Variants in ABCA10 observed in about 807,000 individuals in gnomAD.
ABCA10 encodes ATP binding cassette subfamily A member 10.
In ABCA10, 169 loss-of-function variants were observed where a neutral mutation model predicts 187.5. The ratio of observed to expected loss-of-function variants is 0.90; its 90% CI spans 0.80 to 1.02. ABCA10 has a LOEUF of 1.02. Ranked by LOEUF, ABCA10 falls within the 50% of genes least tolerant of loss-of-function variation. The pLI is 0.00. For missense variants in ABCA10, 1,727 were observed against 1,812.4 expected (o/e 0.95, Z 0.86); for synonymous variants, 574 against 601.8 (o/e 0.95, Z 0.68).
At chr17:69,202,212 A>T (rs1389231604) in intron 9 of ABCA10, among the ~76,000 whole-genome samples, 1 of 152,240 alleles carries the variant, frequency 6.6e-6, no homozygotes, top group Admixed American at 6.5e-5. Flanking sequence ...AGCTGTAGGG[A>T]ATCATATCAA....
Position 69,153,410 on chromosome 17 carries a change from AG to A in ABCA10, c.4042-12del. On this transcript the variant is annotated splice_polypyrimidine_tract_variant and intron_variant, in intron 33 of 38. Coordinates refer to ENST00000690296, the MANE Select transcript of ABCA10 (RefSeq NM_001377321.1). ...CAGCACAAAGCACAGCTGCAATGCA[AG>A]GAACAGCCCGTCGGCACCCAGCCAT... 1.2e-6 allele frequency: 2 copies of A among 1,613,662 alleles called. No individual in the cohort carries two copies. The highest frequency in any genetic ancestry group is 1.7e-6 in the Non-Finnish European group (2 of 1,179,778).
intron 30 of ABCA10, 75 bp downstream of exon 30, chr17:69,154,933 ATGAATAAAAAT>A: frequency 1.1e-6 from 1 of 894,752 alleles, no homozygotes. Context: ...AACAGTCTCA[ATGAATAAAAAT>A]TTGTCCCCTT....
chr17:69,205,878 G>A (rs1006498027), intron 9 of ABCA10, among the ~76,000 whole-genome samples: 1 of 152,158 alleles, frequency 6.6e-6, no homozygotes, highest in African/African-American at 2.4e-5. Flanking sequence ...GCTAATTAAA[G>A]TCTAGAGATG....
chr17:69,194,457 T>C lies in ABCA10; in HGVS notation c.1273A>G (p.Ile425Val), dbSNP rs1228513835. The C allele has an allele frequency of 5.0e-6, 8 of 1,613,248 alleles. No homozygotes were observed. Among genetic ancestry groups the C allele is most frequent in the East Asian group, 2.2e-5 (1 of 44,762 alleles). ...TTACCAGCTCCATTATGCCCAAGTA[T>C]TGCAGTGATCTGTCCTTCATATATG... Reference protein sequence around the residue: ...FDIYEGQITAILGHNGAGKST... With the variant: ...FDIYEGQITAVLGHNGAGKST... Residue 425 changes from isoleucine (I) to valine (V), a missense_variant, in exon 12 of 39, where the codon ATA becomes GTA. Transcript: ENST00000690296.
intron 6 of ABCA10, among the ~76,000 whole-genome samples, chr17:69,218,834 C>T (rs375594514): frequency 6.6e-6 from 1 of 152,170 alleles, no homozygotes. Flanking sequence ...GACCGGGCCT[C>T]AGTGACACTG....
chr17:69,196,964 C>G (rs1299164690), intron 11 of ABCA10, 100 bp downstream of exon 11: 5 of 889,390 alleles, frequency 5.6e-6, no homozygotes, highest in Admixed American at 2.8e-5. Context: ...GATGGCGGCA[C>G]TACAGTCCAG....
intron 10 of ABCA10, among the ~76,000 whole-genome samples, chr17:69,199,502 A>G (rs958053716): frequency 6.6e-6 from 1 of 152,194 alleles, no homozygotes; most frequent in Non-Finnish European, 1.5e-5. Flanking sequence ...CTAGGTACAT[A>G]TAGAGGGAAT....
rs763358757 is a variant in ABCA10 at position 69,216,343 on chromosome 17, C to T, written c.546G>A (p.Leu182=). The change falls in exon 7 of 39, where the codon TTG becomes TTA. Residue 182 remains leucine, a synonymous_variant. Coordinates refer to ENST00000690296, the MANE Select transcript of ABCA10 (RefSeq NM_001377321.1). ...RESAFWLSWG[L]TYICFIFIMS... ...TAATGAAGATGAAGCAAATGTATGT[C>T]AATCCCCAGGAGAGCCTATAGTAGA... is the stretch of plus-strand genomic sequence containing the variant. The T allele has an allele frequency of 6.2e-7, 1 of 1,612,208 alleles. No individual in the cohort carries two copies. Among genetic ancestry groups the T allele is most frequent in the South Asian group, 1.1e-5 (1 of 90,598 alleles).
chr17:69,235,782 G>A (rs1034878), intron 1 of ABCA10, among the ~76,000 whole-genome samples: 117,913 of 150,640 alleles, frequency 0.78, 46,705 homozygotes, highest in African/African-American at 0.86. Context: ...TTAAAAAAAA[G>A]AAAACAAAAA....
chr17:69,199,131 C>T (rs1380667949), intron 10 of ABCA10, among the ~76,000 whole-genome samples: 1 of 152,220 alleles, frequency 6.6e-6, no homozygotes, highest in Non-Finnish European at 1.5e-5. Context: ...CCCCACCATA[C>T]TTTATATGAC....
chr17:69,162,853 A>ATATG (rs200497163), intron 27 of ABCA10, among the ~76,000 whole-genome samples: 35 of 149,596 alleles, frequency 2.3e-4, no homozygotes, highest in Admixed American at 8.8e-4. Context: ...ATATATATAT[A>ATATG]TATGAGACGG....
chr17:69,237,315 G>A (rs1321299919), intron 1 of ABCA10, among the ~76,000 whole-genome samples: 1 of 152,188 alleles, frequency 6.6e-6, no homozygotes, highest in Non-Finnish European at 1.5e-5. Context: ...TGGAAAATGG[G>A]CCATTTGCCA....
intron 3 of ABCA10, 117 bp from the exon 4 acceptor site, chr17:69,222,814 G>T: frequency 1.1e-6 from 1 of 904,288 alleles, no homozygotes; most frequent in Non-Finnish European, 1.5e-6. Flanking sequence ...ATTATTTCTG[G>T]ATAGCTGCCT....
chr17:69,169,584 G>A (rs2074281192), intron 25 of ABCA10, among the ~76,000 whole-genome samples: 1 of 152,194 alleles, frequency 6.6e-6, no homozygotes, highest in Non-Finnish European at 1.5e-5. Context: ...AAGGTGGGAA[G>A]GTTTGCTCTC....
intron 1 of ABCA10, among the ~76,000 whole-genome samples, chr17:69,243,141 T>G (rs551371517): frequency 1.3e-5 from 2 of 152,222 alleles, no homozygotes; most frequent in Non-Finnish European, 1.5e-5. Context: ...TAGTGTGAGA[T>G]AGCTCTTTTA....
At chr17:69,221,130 C>T (rs1327264258) in intron 5 of ABCA10, among the ~76,000 whole-genome samples, 1 of 152,012 alleles carries the variant, frequency 6.6e-6, no homozygotes, top group East Asian at 1.9e-4. Flanking sequence ...GATAAGTTGG[C>T]AAGAAGACTG....
At chr17:69,182,934 T>A in intron 20 of ABCA10, 126 bp from the exon 21 acceptor site, 1 of 1,226,576 alleles carries the variant, frequency 8.2e-7, no homozygotes, top group Non-Finnish European at 1.1e-6. Flanking sequence ...GTAAAGAGCC[T>A]TGCTCTTTAG....
In ABCA10 at chr17:69,152,036, C is replaced by T. The variant is rs1166844479; in HGVS notation, c.4397+7G>A. ...TACTTGTCACTCAAACCGAAAACAT[C>T]CTTTACCTTTCCTGCCAAGCAGCCT... is the stretch of plus-strand genomic sequence containing the variant. On this transcript the variant is annotated splice_region_variant and intron_variant, in intron 36 of 38. Transcript: ENST00000690296. 3.1e-6 allele frequency: 5 copies of T among 1,605,762 alleles called. No homozygotes were observed. Among genetic ancestry groups the T allele is most frequent in the South Asian group, 2.2e-5 (2 of 89,272 alleles).
chr17:69,170,253 A>C (rs1283402964), intron 25 of ABCA10, among the ~76,000 whole-genome samples: 1 of 150,140 alleles, frequency 6.7e-6, no homozygotes, highest in African/African-American at 2.5e-5. Context: ...GCCCCACTGC[A>C]CTCCAGCCTG....
Sources: gnomAD v4.1 joint callset for allele counts (sites outside exome capture counted in the v4.1 genomes callset) on GRCh38, gnomAD v4.1.1 for gene constraint, MANE v1.5 for transcripts, NCBI Gene and HGNC (gene_info 2026-07-23, HGNC 2026-07-21) for gene names.